RABGAP1L: variants seen among roughly 807,000 people sequenced by gnomAD.
The protein encoded by RABGAP1L is RAB GTPase activating protein 1 like, also known as rab GTPase-activating protein 1-like.
In RABGAP1L, 63 loss-of-function variants were observed where a neutral mutation model predicts 137.7. The observed-to-expected ratio is 0.46, with a 90% CI of 0.37 to 0.56. The LOEUF (loss-of-function observed/expected upper bound fraction) is 0.56, where lower values mean the gene tolerates loss of function less well. Ranked by LOEUF, RABGAP1L falls within the 20% of genes least tolerant of loss-of-function variation. RABGAP1L has a pLI of 0.00. For missense variants in RABGAP1L, 1,095 were observed against 1,244.0 expected, an observed-to-expected ratio of 0.88 and a Z score of 1.80; for synonymous variants, 431 against 433.7, an observed-to-expected ratio of 0.99 and a Z score of 0.08.
At chr1:174,580,875 A>G (rs1343783012) in intron 13 of RABGAP1L, among the ~76,000 whole-genome samples, 1 of 152,208 alleles carries the variant, frequency 6.6e-6, no homozygotes, top group Non-Finnish European at 1.5e-5. Flanking sequence ...TATTTCTCCA[A>G]AGAGAATATT....
At chr1:174,181,599 A>C (rs1338880235) in intron 1 of RABGAP1L, among the ~76,000 whole-genome samples, 1 of 152,020 alleles carries the variant, frequency 6.6e-6, no homozygotes, top group Non-Finnish European at 1.5e-5. Context: ...GGCCTCCCAA[A>C]GTGTTGGGAT....
At chr1:174,252,867 G>A (rs1413546301) in intron 7 of RABGAP1L, among the ~76,000 whole-genome samples, 1 of 152,088 alleles carries the variant, frequency 6.6e-6, no homozygotes, top group Non-Finnish European at 1.5e-5. Context: ...TTTACATACA[G>A]CATAAATACT....
intron 13 of RABGAP1L, among the ~76,000 whole-genome samples, chr1:174,575,452 A>T (rs1351831943): frequency 6.6e-6 from 1 of 152,186 alleles, no homozygotes; most frequent in Non-Finnish European, 1.5e-5. Context: ...ACCTCATTCC[A>T]TCCCCAGATT....
rs139633822 is a variant in RABGAP1L, at chr1:174,562,166, A to T, written c.1711-75209A>T. On this transcript the variant is annotated intron_variant, in intron 13 of 25. Transcript: ENST00000681986. Reference sequence around the variant, plus strand: ...ACTTAAACAGATTTACAAGAAACAAACAATCCCATCAAAAAGTGGGCAAAG... The same window carrying T: ...ACTTAAACAGATTTACAAGAAACAATCAATCCCATCAAAAAGTGGGCAAAG... Among the ~76,000 whole-genome samples the T allele has an allele frequency of 3.3e-4, 50 of 152,318 alleles. 1 individual carries two copies. The East Asian group carries it at 8.1e-3, about 25-fold the overall frequency.
chr1:174,452,501 A>G (rs1042084084), intron 13 of RABGAP1L, among the ~76,000 whole-genome samples: 8 of 152,210 alleles, frequency 5.3e-5, no homozygotes, highest in Admixed American at 2.6e-4. Flanking sequence ...TGTGCCCAGC[A>G]TAGCTCCTGG....
chr1:174,737,609 G>A (rs1195873746), intron 17 of RABGAP1L, among the ~76,000 whole-genome samples: 2 of 151,810 alleles, frequency 1.3e-5, no homozygotes, highest in Non-Finnish European at 2.9e-5. Flanking sequence ...ACATCTTCAG[G>A]TATTAATAGC....
intron 13 of RABGAP1L, among the ~76,000 whole-genome samples, chr1:174,625,572 A>G (rs1013557545): frequency 8.5e-5 from 13 of 152,192 alleles, no homozygotes; most frequent in African/African-American, 3.1e-4. Context: ...TGCTGGGATT[A>G]CAGGTGTGAG....
At position 174,811,920 on chromosome 1, in the gene RABGAP1L, A is replaced by G; in HGVS notation, c.2300A>G (p.Glu767Gly). 5 of 1,606,978 alleles carry G rather than the reference A, an allele frequency of 3.1e-6. No individual in the cohort carries two copies. Among genetic ancestry groups the G allele is most frequent in the Non-Finnish European group, 4.3e-6 (5 of 1,176,412 alleles). ...CTTCCAAAGAGATACAGGGCAGAGG[A>G]AAATGCAAGAAGACTGATGGAGCAG... ...VQLPKRYRAE[E>G]NARRLMEQAC... is the part of the protein sequence containing the mutation. Residue 767 changes from glutamate to glycine, a missense_variant, in exon 19 of 26, where the codon GAA becomes GGA. Physicochemically the swap from Glu to Gly is moderately conservative, Grantham distance 98. Coordinates refer to ENST00000681986, the MANE Select transcript of RABGAP1L (RefSeq NM_001366446.1).
At chr1:174,202,876 C>A (rs1571527012) in intron 1 of RABGAP1L, among the ~76,000 whole-genome samples, 1 of 152,158 alleles carries the variant, frequency 6.6e-6, no homozygotes, top group African/African-American at 2.4e-5. Context: ...ATATGGCTAG[C>A]CAGTTTTCCC....
intron 13 of RABGAP1L, among the ~76,000 whole-genome samples, chr1:174,514,407 CAAGAAGCTTGACCTG>C (rs1383150220): frequency 6.6e-6 from 1 of 152,048 alleles, no homozygotes; most frequent in Non-Finnish European, 1.5e-5. Flanking sequence ...ACTAGTTCCT[CAAGAAGCTTGACCTG>C]AAAGAGTTAT....
At chr1:174,727,022 G>C (rs1428448614) in intron 17 of RABGAP1L, among the ~76,000 whole-genome samples, 1 of 152,012 alleles carries the variant, frequency 6.6e-6, no homozygotes, top group Non-Finnish European at 1.5e-5. Context: ...GACTCCTCAG[G>C]CACCTTTCTT....
intron 13 of RABGAP1L, among the ~76,000 whole-genome samples, chr1:174,561,843 C>CA (rs1476325041): frequency 6.6e-6 from 1 of 152,144 alleles, no homozygotes; most frequent in Admixed American, 6.5e-5. Context: ...ACACCTTATA[C>CA]AAAAATTAAC....
At chr1:174,875,889 A>G (rs1037576238) in intron 19 of RABGAP1L, among the ~76,000 whole-genome samples, 8 of 152,214 alleles carry the variant, frequency 5.3e-5, no homozygotes, top group Non-Finnish European at 1.0e-4. Context: ...ACTGACTCCA[A>G]CAAGGGTCAA....
chr1:174,583,671 A>G (rs74126845), intron 13 of RABGAP1L, among the ~76,000 whole-genome samples: 5,339 of 152,254 alleles, frequency 0.035, 124 homozygotes, highest in Middle Eastern at 0.088. Flanking sequence ...CCGTGAATTC[A>G]TCTTAGAAGT....
intron 1 of RABGAP1L, among the ~76,000 whole-genome samples, chr1:174,191,177 A>G (rs1195812928): frequency 6.6e-6 from 1 of 152,240 alleles, no homozygotes; most frequent in African/African-American, 2.4e-5. Context: ...TAATAGCTTG[A>G]AAATTTCTTA....
At chr1:174,603,155 A>G (rs1358038471) in intron 13 of RABGAP1L, among the ~76,000 whole-genome samples, 1 of 152,180 alleles carries the variant, frequency 6.6e-6, no homozygotes, top group Non-Finnish European at 1.5e-5. Context: ...CACTACAGCT[A>G]TATCTGCATT....
intron 1 of RABGAP1L, among the ~76,000 whole-genome samples, chr1:174,197,796 G>A (rs926577463): frequency 1.4e-4 from 21 of 151,062 alleles, no homozygotes; most frequent in Admixed American, 5.3e-4. Flanking sequence ...GCGAAACTCC[G>A]TCTAAAAAAA....
In RABGAP1L at chr1:174,991,144, T is replaced by C. The variant is rs1030340166; in HGVS notation, c.*1143T>C. On this transcript the variant is annotated 3_prime_UTR_variant, in exon 26 of 26. Transcript: ENST00000681986. ...AACCTTTACAGAAATACTTATCTCA[T>C]GGAAAGGTAAAGCTATTGTTTAAAA... The C allele has an allele frequency of 2.6e-5, 4 of 152,242 alleles. No individual in the cohort carries two copies. Among genetic ancestry groups the C allele is most frequent in the African/African-American group, 9.6e-5 (4 of 41,460 alleles). 9.4% of individuals were successfully genotyped at this position (152,242 alleles called of 1,614,324 possible). A position where few individuals can be genotyped will look rare whatever the true frequency, so the allele number is the denominator to read the frequency against.
At chr1:174,792,771 T>C (rs1687957623) in intron 18 of RABGAP1L, among the ~76,000 whole-genome samples, 1 of 152,184 alleles carries the variant, frequency 6.6e-6, no homozygotes, top group Non-Finnish European at 1.5e-5. Flanking sequence ...CTATGTACAG[T>C]ATAGCCCTTT....
Sources: allele counts gnomAD v4.1 joint callset (sites outside exome capture counted in the v4.1 genomes callset), GRCh38; gene constraint gnomAD v4.1.1; transcripts MANE v1.5; gene names NCBI Gene and HGNC (gene_info 2026-07-23, HGNC 2026-07-21).